XKR9: variants seen among roughly 807,000 people sequenced by gnomAD.
XKR9 encodes XK related 9, also known as XK-related protein 9.
A neutral mutation model predicts 32.0 loss-of-function variants in XKR9; 32 were observed. That is an observed-to-expected ratio of 1.00 (90% confidence interval 0.76 to 1.34). The LOEUF (loss-of-function observed/expected upper bound fraction) is 1.34, where lower values mean the gene tolerates loss of function less well. Ranked by LOEUF, XKR9 falls within the 40% of genes most tolerant of loss-of-function variation. The pLI is 0.00. For missense variants in XKR9, 546 were observed against 429.7 expected, an observed-to-expected ratio of 1.27 and a Z score of -2.39; for synonymous variants, 168 against 143.4, an observed-to-expected ratio of 1.17 and a Z score of -1.22.
the XKR9 span, among the ~76,000 whole-genome samples, chr8:70,868,479 C>G: frequency 6.6e-6 from 1 of 150,744 alleles, no homozygotes; most frequent in Non-Finnish European, 1.5e-5. Context: ...TTTGGGGCTT[C>G]CACCCTCTGA....
chr8:70,767,496 C>CTTTTTTTTTTTTTTTTTTTTTTTT (rs34400671), intron 2 of XKR9, among the ~76,000 whole-genome samples: 1 of 99,350 alleles, frequency 1.0e-5, no homozygotes, highest in Non-Finnish European at 1.9e-5. Flanking sequence ...TCTTTTCCTT[C>CTTTTTTTTTTTTTTTTTTTTTTTT]TTTTTTTTTT....
intron 4 of XKR9, among the ~76,000 whole-genome samples, chr8:70,727,327 G>GT (rs34535585): frequency 0.039 from 5,618 of 143,018 alleles, 164 homozygotes; most frequent in African/African-American, 0.084. Context: ...AAGAAGACAA[G>GT]TTTTTTTTTT....
chr8:70,733,886 T>C lies in XKR9; in HGVS notation c.584T>C (p.Leu195Pro), dbSNP rs1258100711. Residue 195 changes from leucine (L) to proline (P), a missense_variant, in exon 5 of 5, where the codon CTT becomes CCT. Coordinates refer to ENST00000408926, the MANE Select transcript of XKR9 (RefSeq NM_001011720.2). ...ALRKSLPDKK[L>P]LNGLCPKITY... ...AGAAAATCCTTGCCTGACAAAAAGCTTCTTAATGGATTATGTCCCAAAATC... is the reference window on the plus strand; with the variant it reads ...AGAAAATCCTTGCCTGACAAAAAGCCTCTTAATGGATTATGTCCCAAAATC... 1.2e-6 allele frequency: 2 copies of C among 1,611,682 alleles called. No individual in the cohort carries two copies. Among genetic ancestry groups the C allele is most frequent in the East Asian group, 2.2e-5 (1 of 44,836 alleles).
At chr8:70,867,316 A>G in the XKR9 span, among the ~76,000 whole-genome samples, 1 of 152,174 alleles carries the variant, frequency 6.6e-6, no homozygotes, top group African/African-American at 2.4e-5. Flanking sequence ...CTCCCACAAT[A>G]TACGGGAATT....
chr8:70,837,157 G>A, the XKR9 span, among the ~76,000 whole-genome samples: 1 of 151,910 alleles, frequency 6.6e-6, no homozygotes, highest in African/African-American at 2.4e-5. Context: ...TTATTTAATT[G>A]TATTGCAATT....
chr8:70,679,920 C>T (rs1164318812), intron 2 of XKR9, among the ~76,000 whole-genome samples: 3 of 151,894 alleles, frequency 2.0e-5, no homozygotes, highest in Non-Finnish European at 4.4e-5. Context: ...TTTCTCCAGT[C>T]ATTGAGATTC....
the XKR9 span, among the ~76,000 whole-genome samples, chr8:70,845,874 A>G: frequency 7.9e-5 from 12 of 152,288 alleles, no homozygotes; most frequent in African/African-American, 2.9e-4. Context: ...AGGCATAGAA[A>G]ATCTATTTAA....
intron 3 of XKR9, among the ~76,000 whole-genome samples, chr8:70,701,349 C>T (rs1805527951): frequency 6.6e-6 from 1 of 152,116 alleles, no homozygotes; most frequent in Non-Finnish European, 1.5e-5. Context: ...CTCTGTCCTG[C>T]CTTGTTTTTC....
chr8:70,805,393 G>T, the XKR9 span, among the ~76,000 whole-genome samples: 2 of 152,196 alleles, frequency 1.3e-5, no homozygotes, highest in African/African-American at 2.4e-5. Context: ...CGAGCTCCCG[G>T]GGGGAGGGGT....
the XKR9 span, among the ~76,000 whole-genome samples, chr8:70,801,771 C>T: frequency 1.9e-4 from 29 of 152,190 alleles, no homozygotes; most frequent in African/African-American, 6.5e-4. Flanking sequence ...GTGGAAGTCT[C>T]TCACTATTAT....
chr8:71,060,230 A>T, the XKR9 span, among the ~76,000 whole-genome samples: 2 of 152,160 alleles, frequency 1.3e-5, no homozygotes, highest in Non-Finnish European at 2.9e-5. Context: ...TTTTGTGGAG[A>T]TGCTGGGCCC....
intron 4 of XKR9, among the ~76,000 whole-genome samples, chr8:70,707,856 T>C (rs909819424): frequency 1.3e-5 from 2 of 152,070 alleles, no homozygotes; most frequent in African/African-American, 4.8e-5. Flanking sequence ...ATCTTCCTTT[T>C]TGAAAAATCC....
chr8:70,736,994 A>G (rs796100234), downstream of XKR9, among the ~76,000 whole-genome samples: 10 of 152,160 alleles, frequency 6.6e-5, no homozygotes, highest in South Asian at 6.2e-4. Context: ...GTTTTTTCCA[A>G]TTCTGTGAAG....
At chr8:70,797,443 T>G in the XKR9 span, among the ~76,000 whole-genome samples, 1 of 152,174 alleles carries the variant, frequency 6.6e-6, no homozygotes, top group East Asian at 1.9e-4. Context: ...ATCTAATTTT[T>G]AAATTTTGAT....
the XKR9 span, among the ~76,000 whole-genome samples, chr8:70,865,472 A>AC: frequency 4.6e-5 from 7 of 152,012 alleles, no homozygotes; most frequent in Non-Finnish European, 1.0e-4. Context: ...TTTCTCAAAA[A>AC]AAAAAGTGGA....
At chr8:70,928,447 A>T in the XKR9 span, among the ~76,000 whole-genome samples, 1 of 152,168 alleles carries the variant, frequency 6.6e-6, no homozygotes, top group Non-Finnish European at 1.5e-5. Flanking sequence ...TATCTGTTGA[A>T]AAGTTTTTTT....
the XKR9 span, among the ~76,000 whole-genome samples, chr8:70,807,398 A>C: frequency 1.1e-4 from 17 of 152,194 alleles, no homozygotes; most frequent in Admixed American, 1.0e-3. Flanking sequence ...GATGGGATCA[A>C]ATTCACTCAT....
At chr8:70,853,305 A>T in the XKR9 span, among the ~76,000 whole-genome samples, 1 of 152,054 alleles carries the variant, frequency 6.6e-6, no homozygotes, top group Non-Finnish European at 1.5e-5. Context: ...TGGGTAAAAA[A>T]AAATAGTTAG....
the XKR9 span, among the ~76,000 whole-genome samples, chr8:70,812,659 G>C: frequency 6.6e-6 from 1 of 152,136 alleles, no homozygotes; most frequent in Admixed American, 6.5e-5. Context: ...CAGACAAACA[G>C]AGAGCCAAAT....
Sources: allele counts gnomAD v4.1 joint callset (sites outside exome capture counted in the v4.1 genomes callset), GRCh38; gene constraint gnomAD v4.1.1; transcripts MANE v1.5; gene names NCBI Gene and HGNC (gene_info 2026-07-23, HGNC 2026-07-21).